ZHX1: variants seen among roughly 807,000 people sequenced by gnomAD.
ZHX1 encodes the protein zinc fingers and homeoboxes protein 1.
ZHX1 carries 20 observed loss-of-function variants against 61.8 expected under a neutral mutation model. The observed-to-expected ratio is 0.32, with a 90% CI of 0.23 to 0.47. The LOEUF is 0.47. ZHX1 is among the 20% of genes least tolerant of loss of function. The pLI is 1.00. For synonymous variants in ZHX1, 318 were observed against 352.6 expected, an observed-to-expected ratio of 0.90 and a Z score of 1.10; for missense variants, 800 against 1,034.8, an observed-to-expected ratio of 0.77 and a Z score of 3.11.
intron 1 of ZHX1, among the ~76,000 whole-genome samples, chr8:123,272,973 A>ATT (rs148214782): frequency 0.038 from 5,571 of 145,010 alleles, 347 homozygotes; most frequent in African/African-American, 0.13. Flanking sequence ...AGCTCTTCGC[A>ATT]TTTTTTTTTT....
At chr8:123,266,458 T>A (rs1826461211) in intron 2 of ZHX1, among the ~76,000 whole-genome samples, 1 of 152,204 alleles carries the variant, frequency 6.6e-6, no homozygotes, top group African/African-American at 2.4e-5. Flanking sequence ...TTATAAGAAC[T>A]CTGTTATCCA....
chr8:123,253,448 C>T lies in ZHX1; in HGVS notation c.2499G>A (p.Glu833=). Residue 833 remains glutamate (E), a synonymous_variant, in exon 3 of 4, where the codon GAG becomes GAA. Coordinates refer to ENST00000395571, the MANE Select transcript of ZHX1 (RefSeq NM_007222.5). The part of the protein sequence containing the change: ...RRSELGIELF[E]ENEEEDEVID... The stretch of plus-strand genomic sequence containing the variant: ...TAACTTCATCTTCCTCCTCATTTTC[C>T]TCAAATAATTCTATACCTAATTCTG... The T allele has an allele frequency of 1.2e-6, 2 of 1,614,058 alleles. No homozygotes were observed. Among genetic ancestry groups the T allele is most frequent in the Non-Finnish European group, 1.7e-6 (2 of 1,179,984 alleles).
At chr8:123,263,068 G>A (rs1826333404) in intron 2 of ZHX1, 1 of 147,280 alleles carries the variant, frequency 6.8e-6, no homozygotes, top group African/African-American at 2.5e-5. Flanking sequence ...TTGGAAGAAG[G>A]AAGGAAGGAA....
At position 123,254,056 on chromosome 8, in the gene ZHX1, C is replaced by T. The variant is rs1049852109; in HGVS notation, c.1891G>A (p.Glu631Lys). The change falls in exon 3 of 4, where the codon GAA (glutamate) becomes AAA (lysine). Residue 631 changes from glutamate to lysine, a missense_variant. Coordinates refer to ENST00000395571, the MANE Select transcript of ZHX1 (RefSeq NM_007222.5). This position sits in a 1 kb window ranked among gnomAD's most constrained non-coding sequence, Gnocchi z 4.1. ...KSKALKEEKMEIDESNAGSSK... is the reference protein window; with the variant it reads ...KSKALKEEKMKIDESNAGSSK... ...CTACCTGCATTACTTTCATCTATTT[C>T]CATTTTCTCTTCCTTTAAAGCTTTT... The T allele has an allele frequency of 6.2e-7, 1 of 1,613,918 alleles. No homozygotes were observed. Among genetic ancestry groups the T allele is most frequent in the Admixed American group, 1.7e-5 (1 of 59,974 alleles).
chr8:123,252,732 A>T (rs894483610), intron 3 of ZHX1: 3 of 152,150 alleles, frequency 2.0e-5, no homozygotes, highest in African/African-American at 4.8e-5. Context: ...CTAAAAAGAT[A>T]CTGAGTAATT....
At chr8:123,269,395 A>G (rs1586834168) in intron 1 of ZHX1, among the ~76,000 whole-genome samples, 1 of 152,212 alleles carries the variant, frequency 6.6e-6, no homozygotes, top group East Asian at 1.9e-4. Context: ...ATGTTATTTA[A>G]GTTCCTGATA....
At chr8:123,256,686 C>T (rs1826078751) in intron 2 of ZHX1, among the ~76,000 whole-genome samples, 1 of 151,782 alleles carries the variant, frequency 6.6e-6, no homozygotes, top group African/African-American at 2.4e-5. Flanking sequence ...ATCGCTTGAA[C>T]CCAGGAGGCA....
At chr8:123,273,640 C>T (rs1826736748) in intron 1 of ZHX1, 1 of 152,278 alleles carries the variant, frequency 6.6e-6, no homozygotes, top group Admixed American at 6.5e-5. Flanking sequence ...TGCTGGGGCT[C>T]CAACCTCAGT....
intron 1 of ZHX1, among the ~76,000 whole-genome samples, chr8:123,268,502 T>C (rs1200762732): frequency 6.6e-6 from 1 of 151,240 alleles, no homozygotes; most frequent in Non-Finnish European, 1.5e-5. Context: ...GTTGTATTCT[T>C]TTTTTTTTGA....
chr8:123,263,953 T>C (rs1296224861), intron 2 of ZHX1, among the ~76,000 whole-genome samples: 1 of 152,238 alleles, frequency 6.6e-6, no homozygotes, highest in Non-Finnish European at 1.5e-5. Flanking sequence ...TATAGATTAC[T>C]TTCGATGGTA....
In ZHX1 at chr8:123,254,249, G is replaced by A. The variant is rs774254462; in HGVS notation, c.1698C>T (p.Asp566=). ...QPKQSWNPFP[D]FTPQKFKEKT... ...TCTCTTTAAACTTTTGGGGAGTAAA[G>A]TCAGGAAAAGGATTCCAGGATTGCT... is the stretch of plus-strand genomic sequence containing the variant. Residue 566 remains aspartate (D), a synonymous_variant, in exon 3 of 4, where the codon GAC becomes GAT. Transcript: ENST00000395571. This position sits in a 1 kb window ranked among gnomAD's most constrained non-coding sequence, Gnocchi z 4.1. 1 of 1,614,144 alleles carries A rather than the reference G, an allele frequency of 6.2e-7. No homozygotes were observed. The highest frequency in any genetic ancestry group is 2.2e-5 in the East Asian group (1 of 44,880).
intron 1 of ZHX1, among the ~76,000 whole-genome samples, chr8:123,270,012 A>G (rs2131225260): frequency 6.6e-6 from 1 of 152,308 alleles, no homozygotes; most frequent in Non-Finnish European, 1.5e-5. Flanking sequence ...TTCAAAATAA[A>G]TCATTACTGT....
intron 2 of ZHX1, among the ~76,000 whole-genome samples, chr8:123,266,832 A>C (rs1293568685): frequency 6.6e-6 from 1 of 152,200 alleles, no homozygotes; most frequent in Non-Finnish European, 1.5e-5. Flanking sequence ...AACTATTATT[A>C]GTAGCCTACG....
At chr8:123,251,220 C>T (rs1286555160) in intron 3 of ZHX1, among the ~76,000 whole-genome samples, 1 of 152,146 alleles carries the variant, frequency 6.6e-6, no homozygotes, top group Non-Finnish European at 1.5e-5. Context: ...CTTGCTTCCC[C>T]TTCTTCCCCT....
rs747035533 is a variant in ZHX1 at position 123,254,108 on chromosome 8, A to G, written c.1839T>C (p.Asp613=). The G allele has an allele frequency of 3.7e-6, 6 of 1,614,038 alleles. No homozygotes were observed. The highest frequency in any genetic ancestry group is 4.2e-6 in the Non-Finnish European group (5 of 1,180,034). Residue 613 remains aspartate (D), a synonymous_variant, in exon 3 of 4, where the codon GAT becomes GAC. Coordinates refer to ENST00000395571, the MANE Select transcript of ZHX1 (RefSeq NM_007222.5). This position sits in a 1 kb window ranked among gnomAD's most constrained non-coding sequence, Gnocchi z 4.1. ...AQTKLTRREI[D]AWFTEKKKSK... is the part of the protein sequence containing the mutation. ...ATTTCTTCTTCTCTGTAAACCAAGC[A>G]TCGATTTCTCTTCTGGTAAGTTTGG...
intron 2 of ZHX1, among the ~76,000 whole-genome samples, chr8:123,264,020 A>G (rs1826372053): frequency 6.6e-6 from 1 of 152,174 alleles, no homozygotes; most frequent in South Asian, 2.1e-4. Flanking sequence ...TGAATCTAAA[A>G]CATTCTATTT....
At chr8:123,273,030 T>C (rs756368927) in intron 1 of ZHX1, among the ~76,000 whole-genome samples, 1 of 152,098 alleles carries the variant, frequency 6.6e-6, no homozygotes, top group Non-Finnish European at 1.5e-5. Flanking sequence ...GTGGAATTCC[T>C]GCTCTGTCCG....
rs767669976 is a variant in ZHX1 at position 123,254,102 on chromosome 8, C to T, written c.1845G>A (p.Trp615Ter). ...TKLTRREIDAWFTEKKKSKAL... is the reference protein window; with the variant it reads ...TKLTRREIDA ...CTTTTGATTTCTTCTTCTCTGTAAA[C>T]CAAGCATCGATTTCTCTTCTGGTAA... Residue 615 changes from tryptophan to a stop codon, truncating the protein, a stop_gained, in exon 3 of 4, where the codon TGG (tryptophan) becomes TGA (stop). Transcript: ENST00000395571. LOFTEE classifies it high-confidence loss of function. The surrounding 1 kb of genome is among the most constrained non-coding windows in gnomAD (Gnocchi z 4.1). The T allele has an allele frequency of 1.2e-6, 2 of 1,614,016 alleles. No individual in the cohort carries two copies.
intron 1 of ZHX1, among the ~76,000 whole-genome samples, chr8:123,270,802 A>C (rs974582851): frequency 1.3e-5 from 2 of 151,956 alleles, no homozygotes; most frequent in East Asian, 3.8e-4. Flanking sequence ...AAAAAAAAAA[A>C]AATGTATTCA....
Sources: gnomAD v4.1 joint callset for allele counts (sites outside exome capture counted in the v4.1 genomes callset) on GRCh38, gnomAD v4.1.1 for gene constraint, Gnocchi (gnomAD v3.1) non-coding constraint, MANE v1.5 for transcripts, NCBI Gene and HGNC (gene_info 2026-07-23, HGNC 2026-07-21) for gene names.